The following FREM2 variants were observed in gnomAD, a reference collection of about 807,000 sequenced individuals.
FREM2 encodes the protein FRAS1-related extracellular matrix protein 2.
A neutral mutation model predicts 219.9 loss-of-function variants in FREM2; 119 were observed. The observed-to-expected ratio is 0.54, with a 90% CI of 0.47 to 0.63. The LOEUF is 0.63. FREM2 is among the 30% of genes least tolerant of loss of function. The pLI is 0.00. For missense variants in FREM2, 4,030 were observed against 3,993.6 expected (o/e 1.01, Z -0.25); for synonymous variants, 1,562 against 1,522.8 (o/e 1.03, Z -0.60).
chr13:38,745,235 A>C (rs1872417590), intron 2 of FREM2, among the ~76,000 whole-genome samples: 1 of 152,188 alleles, frequency 6.6e-6, no homozygotes. Context: ...ATTTTGAAGT[A>C]TGTTTTTAAT....
In FREM2 at chr13:38,773,850, T is replaced by A. The variant is rs190785620; in HGVS notation, c.5641+4042T>A. ...TAGAGCTTTGAAAACTTACCTCATT[T>A]AAACCTTATGTTTATAACTCTGTGA... On this transcript the variant is annotated intron_variant, in intron 4 of 23. Transcript: ENST00000280481. 3.3e-5 allele frequency among the ~76,000 whole-genome samples: 5 copies of A among 152,240 alleles called. No individual in the cohort carries two copies. The East Asian group carries it at 9.7e-4, about 29-fold the overall frequency.
At position 38,851,012 on chromosome 13, in the gene FREM2, C is replaced by G; in HGVS notation, c.6646C>G (p.Arg2216Gly). ...GCTCTATGAGGAGGTAGAGGAGCTC[C>G]GCCTGGTACTCGGCACTCCACAAAG... is the stretch of plus-strand genomic sequence containing the variant. ...DVLYEEVEEL[R>G]LVLGTPQSNS... is the part of the protein sequence containing the mutation. Residue 2216 changes from arginine to glycine, a missense_variant, in exon 10 of 24, where the codon CGC becomes GGC. Physicochemically the swap from Arg to Gly is moderately radical, Grantham distance 125. Coordinates refer to ENST00000280481, the MANE Select transcript of FREM2 (RefSeq NM_207361.6). 6.2e-7 allele frequency: 1 copy of G among 1,613,896 alleles called. No homozygotes were observed. Among genetic ancestry groups the G allele is most frequent in the Non-Finnish European group, 8.5e-7 (1 of 1,179,992 alleles).
chr13:38,795,998 TTTTCTTTC>T (rs563113321), intron 6 of FREM2, among the ~76,000 whole-genome samples: 16 of 149,796 alleles, frequency 1.1e-4, no homozygotes, highest in African/African-American at 3.6e-4. Context: ...TTTCTTTCTT[TTTTCTTTC>T]TTTCTTTCTT....
In FREM2 at chr13:38,882,623, G is replaced by T. The variant is rs1268561601; in HGVS notation, c.*1836G>T. 1 of 152,166 alleles carries T rather than the reference G, an allele frequency of 6.6e-6. No individual in the cohort carries two copies. The highest frequency in any genetic ancestry group is 2.4e-5 in the African/African-American group (1 of 41,448). The allele number at this position is 152,166 out of a possible 1,614,324, so 9.4% of individuals were successfully genotyped here. On this transcript the variant is annotated 3_prime_UTR_variant, in exon 24 of 24. Coordinates refer to ENST00000280481, the MANE Select transcript of FREM2 (RefSeq NM_207361.6). ...CACTAACGGCTTATATGAACAGAAA[G>T]TACTGTGTAGCCCAGGAGTTTATTT...
chr13:38,778,421 GTCT>G (rs968453334), intron 4 of FREM2, among the ~76,000 whole-genome samples: 2 of 152,052 alleles, frequency 1.3e-5, no homozygotes, highest in African/African-American at 4.8e-5. Flanking sequence ...AAATACCTCT[GTCT>G]TCTTCTTCTT....
intron 2 of FREM2, among the ~76,000 whole-genome samples, chr13:38,725,883 G>A (rs901936108): frequency 2.0e-5 from 3 of 152,194 alleles, no homozygotes; most frequent in African/African-American, 7.2e-5. Context: ...ATGTCAAGAT[G>A]GCGATGTCTG....
rs886050188 is a variant in FREM2 at position 38,690,861 on chromosome 13, T to C, written c.3517T>C (p.Phe1173Leu). Residue 1173 changes from phenylalanine to leucine, a missense_variant, in exon 1 of 24, where the codon TTT (phenylalanine) becomes CTT (leucine). Physicochemically the swap from Phe to Leu is conservative, Grantham distance 22. Coordinates refer to ENST00000280481, the MANE Select transcript of FREM2 (RefSeq NM_207361.6). ...FVFRCSDGIN[F>L]SERQFFPIVI... ...ATTTCGTTGTTCTGATGGCATTAAC[T>C]TTTCAGAGAGACAGTTCTTCCCCAT... 9 of 1,614,142 alleles carry C rather than the reference T, an allele frequency of 5.6e-6. No homozygotes were observed. Among genetic ancestry groups the C allele is most frequent in the Non-Finnish European group, 1.7e-6 (2 of 1,180,012 alleles).
chr13:38,700,608 C>CA (rs148489706), intron 2 of FREM2, among the ~76,000 whole-genome samples: 17 of 151,728 alleles, frequency 1.1e-4, no homozygotes, highest in Admixed American at 6.6e-4. Flanking sequence ...ACAAAAACAG[C>CA]AAAAAAAACT....
chr13:38,698,460 A>C (rs1201788615), intron 2 of FREM2, among the ~76,000 whole-genome samples: 1 of 151,854 alleles, frequency 6.6e-6, no homozygotes, highest in Non-Finnish European at 1.5e-5. Context: ...TGCTGTTTAT[A>C]CTCCTTTCAG....
intron 2 of FREM2, among the ~76,000 whole-genome samples, chr13:38,704,440 G>A (rs945469281): frequency 2.0e-5 from 3 of 152,180 alleles, no homozygotes; most frequent in Non-Finnish European, 4.4e-5. Context: ...ATAGACTTAG[G>A]ACAGGATGAA....
At chr13:38,695,433 AAAAAG>A (rs1870069752) in intron 1 of FREM2, among the ~76,000 whole-genome samples, 1 of 152,240 alleles carries the variant, frequency 6.6e-6, no homozygotes, top group Non-Finnish European at 1.5e-5. Flanking sequence ...CTTTATCTGA[AAAAAG>A]AAAAGTTCTT....
intron 11 of FREM2, among the ~76,000 whole-genome samples, chr13:38,852,123 C>T (rs942119568): frequency 2.0e-5 from 3 of 152,096 alleles, no homozygotes; most frequent in Non-Finnish European, 2.9e-5. Flanking sequence ...TCTCAATACC[C>T]ACCTCCTGCC....
chr13:38,759,899 A>G (rs1003631363), intron 2 of FREM2, among the ~76,000 whole-genome samples: 11 of 152,216 alleles, frequency 7.2e-5, no homozygotes, highest in African/African-American at 2.7e-4. Flanking sequence ...GTATCTTTCT[A>G]TTCTTTCAAT....
chr13:38,690,562 A>G lies in FREM2; in HGVS notation c.3218A>G (p.Glu1073Gly). ...DSQAPEIFVG[E>G]QLIVMEGDKS... ...CAGGCCCCAGAAATCTTTGTAGGTGAACAGTTGATAGTAATGGAAGGTGAT... is the reference window on the plus strand; with the variant it reads ...CAGGCCCCAGAAATCTTTGTAGGTGGACAGTTGATAGTAATGGAAGGTGAT... The change falls in exon 1 of 24, where the codon GAA becomes GGA. Residue 1073 changes from glutamate (E) to glycine (G), a missense_variant. Physicochemically the swap from Glu to Gly is moderately conservative, Grantham distance 98. This residue lies in a region of FREM2 where 3,102 missense variants were observed against 2,950.7 expected (regional missense o/e 1.05). Transcript: ENST00000280481. The G allele has an allele frequency of 6.2e-7, 1 of 1,614,186 alleles. No individual in the cohort carries two copies. The highest frequency in any genetic ancestry group is 8.5e-7 in the Non-Finnish European group (1 of 1,180,044).
intron 3 of FREM2, among the ~76,000 whole-genome samples, chr13:38,768,975 AAT>A (rs1873548559): frequency 6.6e-6 from 1 of 152,198 alleles, no homozygotes; most frequent in South Asian, 2.1e-4. Flanking sequence ...AATTTCATGG[AAT>A]TCTGGGGTGT....
rs530124350 is a variant in FREM2 at position 38,878,993 on chromosome 13, G to A, written c.9006+16G>A. On this transcript the variant is annotated intron_variant, in intron 23 of 23. Coordinates refer to ENST00000280481, the MANE Select transcript of FREM2 (RefSeq NM_207361.6). ...ACTCTTTCAGGTAGGCCAAAAACAA[G>A]CTCATTTGTAGTAGTTGTGTACCCA... 6.8e-6 allele frequency: 11 copies of A among 1,613,742 alleles called. No homozygotes were observed. In the Middle Eastern group the frequency reaches 5.0e-4, roughly 73 times the overall value.
intron 2 of FREM2, among the ~76,000 whole-genome samples, chr13:38,742,662 G>T (rs1258666896): frequency 1.3e-5 from 2 of 152,108 alleles, no homozygotes; most frequent in African/African-American, 2.4e-5. Flanking sequence ...TCGTTTACTG[G>T]ACTGTAATTT....
intron 7 of FREM2, among the ~76,000 whole-genome samples, chr13:38,847,254 A>G (rs1422452098): frequency 6.6e-6 from 1 of 152,152 alleles, no homozygotes; most frequent in Non-Finnish European, 1.5e-5. Context: ...ATCTCCAAAA[A>G]GTTGATTATA....
In FREM2 at chr13:38,750,856, C is replaced by T. The variant is rs192384275; in HGVS notation, c.5264-13448C>T. ...TACAGGCACCCACCACCACACCCAA[C>T]TGATTTTTGTACTTTTTAGTAGAGA... is the stretch of plus-strand genomic sequence containing the variant. On this transcript the variant is annotated intron_variant, in intron 2 of 23. Transcript: ENST00000280481. Among the ~76,000 whole-genome samples, 292 of 152,268 alleles carry T rather than the reference C, an allele frequency of 1.9e-3. 2 individuals carry two copies. The highest frequency in any genetic ancestry group is 6.7e-3 in the African/African-American group (280 of 41,552).
Sources: allele counts gnomAD v4.1 joint callset (sites outside exome capture counted in the v4.1 genomes callset), GRCh38; gene constraint gnomAD v4.1.1; regional missense constraint gnomAD v4.1.1; transcripts MANE v1.5; gene names NCBI Gene and HGNC (gene_info 2026-07-23, HGNC 2026-07-21).